The following AGMO variants were observed in gnomAD, a reference collection of about 807,000 sequenced individuals.
The protein encoded by AGMO is alkylglycerol monooxygenase.
In AGMO, 75 loss-of-function variants were observed where a neutral mutation model predicts 60.2. That is an observed-to-expected ratio of 1.25 (90% confidence interval 1.03 to 1.51). The LOEUF (loss-of-function observed/expected upper bound fraction) is 1.51, where lower values mean the gene tolerates loss of function less well. Among genes scored for constraint, AGMO ranks in the 40% most tolerant of loss-of-function variants. AGMO has a pLI of 0.00. For missense variants in AGMO, 763 were observed against 525.5 expected, an observed-to-expected ratio of 1.45 and a Z score of -4.42; for synonymous variants, 261 against 177.1, an observed-to-expected ratio of 1.47 and a Z score of -3.76.
the AGMO span, among the ~76,000 whole-genome samples, chr7:15,157,756 C>A: frequency 6.6e-6 from 1 of 152,202 alleles, no homozygotes; most frequent in Non-Finnish European, 1.5e-5. Flanking sequence ...TATTTCTCGA[C>A]CTTATTTCTC....
chr7:15,529,587 T>A (rs1235680078), intron 3 of AGMO, among the ~76,000 whole-genome samples: 5 of 92,584 alleles, frequency 5.4e-5, no homozygotes, highest in African/African-American at 2.2e-4. Flanking sequence ...GTATATATAG[T>A]ATATAAACTC....
rs150915271 is a variant in AGMO at position 15,525,566 on chromosome 7, A to C, written c.409+19206T>G. Among the ~76,000 whole-genome samples, 48 of 152,212 alleles carry C rather than the reference A, an allele frequency of 3.2e-4. No individual in the cohort carries two copies. In the East Asian group the frequency reaches 6.4e-3, roughly 20 times the overall value. ...TGAGATCTGTTTCATTGTTCAAAAAAATTCTTCTCCGCCCTCTTCACCCTT... is the reference window on the plus strand; with the variant it reads ...TGAGATCTGTTTCATTGTTCAAAAACATTCTTCTCCGCCCTCTTCACCCTT... On this transcript the variant is annotated intron_variant, in intron 3 of 12. Coordinates refer to ENST00000342526, the MANE Select transcript of AGMO (RefSeq NM_001004320.2).
rs78953264 is a variant in AGMO, at chr7:15,336,820, C to T, written c.1263+28694G>A. Among the ~76,000 whole-genome samples the T allele has an allele frequency of 3.5e-4, 54 of 152,246 alleles. No homozygotes were observed. The East Asian group carries it at 0.01, about 29-fold the overall frequency. Reference sequence around the variant, plus strand: ...TTATTAAGTAATTACTTATCAGGCTCTACATAACATATATTTCAGGCAAAT... The same window carrying T: ...TTATTAAGTAATTACTTATCAGGCTTTACATAACATATATTTCAGGCAAAT... On this transcript the variant is annotated intron_variant, in intron 12 of 12. Coordinates refer to ENST00000342526, the MANE Select transcript of AGMO (RefSeq NM_001004320.2).
chr7:15,262,782 C>T (rs1005403686), intron 12 of AGMO, among the ~76,000 whole-genome samples: 6 of 151,968 alleles, frequency 3.9e-5, no homozygotes, highest in African/African-American at 1.4e-4. Flanking sequence ...AAGCCAAATA[C>T]TTACAGCCAA....
intron 5 of AGMO, among the ~76,000 whole-genome samples, chr7:15,395,791 T>A (rs958240263): frequency 6.6e-6 from 1 of 152,220 alleles, no homozygotes; most frequent in Non-Finnish European, 1.5e-5. Context: ...ATTGCCTAAG[T>A]CTCAGACATA....
At chr7:15,170,361 T>C in the AGMO span, among the ~76,000 whole-genome samples, 1 of 127,240 alleles carries the variant, frequency 7.9e-6, no homozygotes, top group Admixed American at 8.1e-5. Context: ...AGAAATTTTG[T>C]AGTTGTTTAT....
At chr7:15,253,726 A>C (rs1783014576) in intron 12 of AGMO, among the ~76,000 whole-genome samples, 1 of 152,090 alleles carries the variant, frequency 6.6e-6, no homozygotes. Flanking sequence ...TCTTCTAGCT[A>C]TTTGAAATAT....
chr7:15,324,941 G>C (rs557092072), intron 12 of AGMO, among the ~76,000 whole-genome samples: 104 of 151,956 alleles, frequency 6.8e-4, no homozygotes, highest in Admixed American at 1.2e-3. Flanking sequence ...GGGAGTTGGG[G>C]ACCCCAGCTC....
intron 3 of AGMO, among the ~76,000 whole-genome samples, chr7:15,434,675 G>C (rs1264164803): frequency 6.6e-6 from 1 of 152,118 alleles, no homozygotes; most frequent in Non-Finnish European, 1.5e-5. Context: ...TGACACTGCA[G>C]TTTGCAAAGA....
At chr7:15,444,583 G>T (rs1017906958) in intron 3 of AGMO, among the ~76,000 whole-genome samples, 1 of 152,096 alleles carries the variant, frequency 6.6e-6, no homozygotes, top group Non-Finnish European at 1.5e-5. Flanking sequence ...TTTTCCTTTG[G>T]CTTGAGTAAC....
the AGMO span, among the ~76,000 whole-genome samples, chr7:15,190,309 G>C: frequency 2.0e-5 from 3 of 150,362 alleles, no homozygotes; most frequent in African/African-American, 7.3e-5. Context: ...GGAACTACCT[G>C]AGATTCTTTA....
At chr7:15,497,142 T>C (rs533588700) in intron 3 of AGMO, among the ~76,000 whole-genome samples, 2 of 152,328 alleles carry the variant, frequency 1.3e-5, no homozygotes, top group South Asian at 4.1e-4. Context: ...TAGCCAGTGT[T>C]TGTTGAGCAG....
chr7:15,353,555 G>GA (rs1782339567), intron 12 of AGMO, among the ~76,000 whole-genome samples: 1 of 151,800 alleles, frequency 6.6e-6, no homozygotes, highest in East Asian at 1.9e-4. Context: ...TCAACTAAAA[G>GA]AAAAAAGAAA....
At chr7:15,416,450 G>C (rs10249237) in intron 5 of AGMO, among the ~76,000 whole-genome samples, 2 of 152,010 alleles carry the variant, frequency 1.3e-5, no homozygotes, top group African/African-American at 4.8e-5. Flanking sequence ...GTGATTTTAA[G>C]GTTTTTTTCC....
intron 12 of AGMO, among the ~76,000 whole-genome samples, chr7:15,302,792 A>T (rs1440552932): frequency 1.3e-5 from 2 of 152,168 alleles, no homozygotes; most frequent in African/African-American, 4.8e-5. Context: ...TATGTGTTCA[A>T]TTCATGTAAG....
At chr7:15,256,679 T>C (rs1359175003) in intron 12 of AGMO, among the ~76,000 whole-genome samples, 2 of 152,204 alleles carry the variant, frequency 1.3e-5, no homozygotes, top group Non-Finnish European at 2.9e-5. Context: ...GAAAAATTTC[T>C]ATCATCTACT....
rs181859353 is a variant in AGMO, at chr7:15,293,934, A to G, written c.1263+71580T>C. 4.0e-4 allele frequency among the ~76,000 whole-genome samples: 60 copies of G among 151,798 alleles called. 1 individual carries two copies. In the East Asian group the frequency reaches 9.6e-3, roughly 24 times the overall value. On this transcript the variant is annotated intron_variant, in intron 12 of 12. Coordinates refer to ENST00000342526, the MANE Select transcript of AGMO (RefSeq NM_001004320.2). The stretch of plus-strand genomic sequence containing the variant: ...ATATCTCTGAAGAAATAATGTTATT[A>G]GGTAAAGTTGAATTTAACAGAAGGT...
intron 12 of AGMO, among the ~76,000 whole-genome samples, chr7:15,348,066 T>TG (rs1782097515): frequency 6.6e-6 from 1 of 152,088 alleles, no homozygotes; most frequent in Non-Finnish European, 1.5e-5. Context: ...CAGGGTAACT[T>TG]GGATGTTTAT....
At chr7:15,288,767 A>G (rs1784172240) in intron 12 of AGMO, among the ~76,000 whole-genome samples, 1 of 151,412 alleles carries the variant, frequency 6.6e-6, no homozygotes, top group African/African-American at 2.4e-5. Context: ...TCATCCTGAA[A>G]AAAAAAAAAG....
Sources: gnomAD v4.1 joint callset for allele counts (sites outside exome capture counted in the v4.1 genomes callset) on GRCh38, gnomAD v4.1.1 for gene constraint, MANE v1.5 for transcripts, NCBI Gene and HGNC (gene_info 2026-07-23, HGNC 2026-07-21) for gene names.